Variants in AP2B1 observed in about 807,000 individuals in gnomAD.
AP2B1 encodes the protein AP-2 complex subunit beta.
A neutral mutation model predicts 102.0 loss-of-function variants in AP2B1; 23 were observed. The observed-to-expected ratio is 0.23, with a 90% confidence interval of 0.16 to 0.32. The LOEUF (loss-of-function observed/expected upper bound fraction) is 0.32, where lower values mean the gene tolerates loss of function less well. Ranked by LOEUF, AP2B1 falls within the 10% of genes least tolerant of loss-of-function variation. The pLI, the probability that AP2B1 is intolerant of heterozygous loss-of-function variation, is 1.00. For missense variants in AP2B1, 541 were observed against 1,157.4 expected (o/e 0.47, Z 7.73); for synonymous variants, 381 against 421.2 (o/e 0.90, Z 1.17).
chr17:35,713,496 G>T (rs1283427675), intron 20 of AP2B1, among the ~76,000 whole-genome samples: 23 of 152,070 alleles, frequency 1.5e-4, no homozygotes, highest in Admixed American at 1.5e-3. Context: ...TAACATGAAC[G>T]TTTTTGGCTT....
chr17:35,641,887 C>G lies in AP2B1; in HGVS notation c.1448C>G (p.Thr483Ser). 1 of 1,608,886 alleles carries G rather than the reference C, an allele frequency of 6.2e-7. No individual in the cohort carries two copies. Among genetic ancestry groups the G allele is most frequent in the Non-Finnish European group, 8.5e-7 (1 of 1,176,042 alleles). Residue 483 changes from threonine to serine, a missense_variant, in exon 12 of 22, where the codon ACT (threonine) becomes AGT (serine). By Grantham distance (58) the Thr-to-Ser change is moderately conservative. Coordinates refer to ENST00000610402, the MANE Select transcript of AP2B1 (RefSeq NM_001030006.2). ...ATTATGTCTGTTTAGGTGCAGCTCACTCTGCTTACTGCCATAGTGAAGCTG... is the reference window on the plus strand; with the variant it reads ...ATTATGTCTGTTTAGGTGCAGCTCAGTCTGCTTACTGCCATAGTGAAGCTG... Reference protein sequence around the residue: ...FHDESTQVQLTLLTAIVKLFL... With the variant: ...FHDESTQVQLSLLTAIVKLFL...
intron 7 of AP2B1, 44 bp from the exon 8 acceptor site, chr17:35,627,341 G>A (rs771904272): frequency 2.7e-6 from 4 of 1,455,542 alleles, no homozygotes; most frequent in Non-Finnish European, 3.7e-6. Flanking sequence ...GGGTATATCA[G>A]TATATGCCTT....
chr17:35,691,866 TC>T (rs1750040373), intron 18 of AP2B1, among the ~76,000 whole-genome samples: 1 of 152,256 alleles, frequency 6.6e-6, no homozygotes, highest in South Asian at 2.1e-4. Flanking sequence ...ATTCTTCATG[TC>T]CCATCAGGAC....
intron 13 of AP2B1, among the ~76,000 whole-genome samples, chr17:35,654,950 C>A (rs7214742): frequency 0.86 from 131,568 of 152,118 alleles, 57,226 homozygotes; most frequent in East Asian, 0.97. Flanking sequence ...GTAATGCTAG[C>A]GGTGATGTTT....
chr17:35,708,370 GCAATCTGCCT>G (rs2076384941), intron 18 of AP2B1, among the ~76,000 whole-genome samples: 1 of 151,958 alleles, frequency 6.6e-6, no homozygotes, highest in Non-Finnish European at 1.5e-5. Context: ...GTGCTGCTGT[GCAATCTGCCT>G]GTTCCTGAAT....
At chr17:35,654,881 G>A (rs2075177952) in intron 13 of AP2B1, among the ~76,000 whole-genome samples, 1 of 151,998 alleles carries the variant, frequency 6.6e-6, no homozygotes, top group African/African-American at 2.4e-5. Flanking sequence ...ACCTTTGCAC[G>A]GTCAGGATAC....
At chr17:35,603,358 T>C (rs1480087625) in intron 3 of AP2B1, among the ~76,000 whole-genome samples, 11 of 152,192 alleles carry the variant, frequency 7.2e-5, no homozygotes, top group Admixed American at 7.2e-4. Context: ...GTTACAGTTA[T>C]CCTATATTGT....
intron 3 of AP2B1, 37 bp from the exon 4 acceptor site, chr17:35,605,668 G>C: frequency 1.3e-6 from 2 of 1,517,340 alleles, no homozygotes; most frequent in Non-Finnish European, 1.8e-6. Flanking sequence ...ACCAACACCT[G>C]CTTACTTTCC....
At chr17:35,605,921 GT>G in intron 4 of AP2B1, 81 bp downstream of exon 4, 1 of 1,549,028 alleles carries the variant, frequency 6.5e-7, no homozygotes, top group Non-Finnish European at 8.7e-7. Context: ...GTGTAGGGAA[GT>G]GTTGGCAATG....
chr17:35,626,506 A>G, intron 6 of AP2B1, 115 bp from the exon 7 acceptor site: 1 of 889,602 alleles, frequency 1.1e-6, no homozygotes, highest in Non-Finnish European at 1.7e-6. Context: ...GACTTTTCTA[A>G]CTAATTCTTT....
intron 18 of AP2B1, among the ~76,000 whole-genome samples, chr17:35,685,995 T>G (rs2075923416): frequency 6.6e-6 from 1 of 152,200 alleles, no homozygotes; most frequent in Admixed American, 6.5e-5. Context: ...ACTCCTGACC[T>G]CAGGTGATCC....
intron 18 of AP2B1, among the ~76,000 whole-genome samples, chr17:35,696,413 CTTTTT>C (rs71366474): frequency 3.0e-5 from 4 of 131,282 alleles, no homozygotes; most frequent in African/African-American, 1.1e-4. Flanking sequence ...GGAATAAGTT[CTTTTT>C]TTTTTTTTTT....
chr17:35,699,271 G>T (rs1398387545), intron 18 of AP2B1, among the ~76,000 whole-genome samples: 1 of 152,180 alleles, frequency 6.6e-6, no homozygotes, highest in Non-Finnish European at 1.5e-5. Context: ...TTCATTTCTG[G>T]TTCTGAGAAC....
intron 12 of AP2B1, among the ~76,000 whole-genome samples, chr17:35,648,217 CAATA>C (rs2074990142): frequency 6.6e-6 from 1 of 151,924 alleles, no homozygotes; most frequent in African/African-American, 2.4e-5. Flanking sequence ...ATGACAAAAA[CAATA>C]AAGAAAACAA....
At chr17:35,662,508 G>GTGGA (rs1166156082) in intron 14 of AP2B1, among the ~76,000 whole-genome samples, 2 of 145,284 alleles carry the variant, frequency 1.4e-5, no homozygotes, top group Admixed American at 7.0e-5. Flanking sequence ...AGCCATGTAT[G>GTGGA]TGGAGTTTTT....
intron 18 of AP2B1, among the ~76,000 whole-genome samples, chr17:35,691,399 A>G (rs1189714880): frequency 6.6e-6 from 1 of 152,188 alleles, no homozygotes; most frequent in Admixed American, 6.5e-5. Context: ...AGCTATAGCT[A>G]TTGTACCAGA....
chr17:35,708,699 A>G (rs2076392284), intron 18 of AP2B1, among the ~76,000 whole-genome samples: 1 of 152,182 alleles, frequency 6.6e-6, no homozygotes, highest in East Asian at 1.9e-4. Context: ...GTATGGCACT[A>G]GTTATTGTGG....
intron 18 of AP2B1, among the ~76,000 whole-genome samples, chr17:35,703,819 CT>C (rs1304954280): frequency 2.8e-4 from 6 of 21,446 alleles, no homozygotes; most frequent in Non-Finnish European, 5.2e-4. Flanking sequence ...ACATGTACCC[CT>C]GAACTTGAAA....
At position 35,625,039 on chromosome 17, in the gene AP2B1, T is replaced by A. The variant is rs146172613; in HGVS notation, c.716+452T>A. Among the ~76,000 whole-genome samples the A allele has an allele frequency of 5.9e-5, 9 of 152,188 alleles. No homozygotes were observed. The East Asian group carries it at 1.7e-3, about 29-fold the overall frequency. On this transcript the variant is annotated intron_variant, in intron 6 of 21. Transcript: ENST00000610402. ...TCCTTTCCAGTAGATATGGAAACCA[T>A]GTCAGTCTGAATTTGAAGATTTTAG...
Sources: allele counts gnomAD v4.1 joint callset (sites outside exome capture counted in the v4.1 genomes callset), GRCh38; gene constraint gnomAD v4.1.1; transcripts MANE v1.5; gene names NCBI Gene and HGNC (gene_info 2026-07-23, HGNC 2026-07-21).